PTPRZ1: variants seen among roughly 807,000 people sequenced by gnomAD.
PTPRZ1 encodes the protein protein tyrosine phosphatase receptor type Z1.
Under a neutral mutation model 214.1 loss-of-function variants are expected in PTPRZ1, and 82 were observed. The ratio of observed to expected loss-of-function variants is 0.38; its 90% CI spans 0.32 to 0.46. The LOEUF is 0.46. Ranked by LOEUF, PTPRZ1 falls within the 20% of genes least tolerant of loss-of-function variation. The pLI, the probability that PTPRZ1 is intolerant of heterozygous loss-of-function variation, is 1.00. For synonymous variants in PTPRZ1, 945 were observed against 987.9 expected (o/e 0.96, Z 0.81); for missense variants, 2,603 against 2,748.7 (o/e 0.95, Z 1.19).
intron 8 of PTPRZ1, among the ~76,000 whole-genome samples, chr7:121,987,859 T>G (rs547224076): frequency 1.3e-5 from 2 of 152,136 alleles, no homozygotes; most frequent in African/African-American, 2.4e-5. Flanking sequence ...TGAAATCATG[T>G]TTTTTTGCAG....
rs977766359 is a variant in PTPRZ1 at position 122,011,016 on chromosome 7, C to G, written c.1970C>G (p.Ser657Cys). ...SMEGNVWFPS[S>C]TDITAQPDVG... is the part of the protein sequence containing the mutation. ...GAGGGAAATGTGTGGTTTCCTAGCT[C>G]TACAGACATAACAGCACAGCCCGAT... The change falls in exon 12 of 30, where the codon TCT (serine) becomes TGT (cysteine). Residue 657 changes from serine (S) to cysteine (C), a missense_variant. Physicochemically the swap from Ser to Cys is moderately radical, Grantham distance 112 (BLOSUM62 -1). Around this residue, in one of 6 missense-constraint regions of PTPRZ1, gnomAD observed 1,913 missense variants for 1,914.3 expected, o/e 1.00. Transcript: ENST00000393386. 1 of 1,613,974 alleles carries G rather than the reference C, an allele frequency of 6.2e-7. No individual in the cohort carries two copies. Among genetic ancestry groups the G allele is most frequent in the African/African-American group, 1.3e-5 (1 of 74,896 alleles).
At chr7:121,889,019 T>G (rs1794495054) in intron 1 of PTPRZ1, among the ~76,000 whole-genome samples, 1 of 152,132 alleles carries the variant, frequency 6.6e-6, no homozygotes, top group Non-Finnish European at 1.5e-5. Context: ...TGAATTAAAT[T>G]ATTGAAGTTT....
At chr7:121,940,795 A>G (rs569284763) in intron 2 of PTPRZ1, among the ~76,000 whole-genome samples, 1 of 150,260 alleles carries the variant, frequency 6.7e-6, no homozygotes, top group South Asian at 2.1e-4. Flanking sequence ...TCTCCCCATC[A>G]CCTGCCAAAT....
intron 4 of PTPRZ1, among the ~76,000 whole-genome samples, chr7:121,975,632 AC>A (rs1160606282): frequency 1.3e-5 from 2 of 152,334 alleles, no homozygotes; most frequent in East Asian, 3.9e-4. Flanking sequence ...CAGGAGAAGC[AC>A]CAAATTATAT....
chr7:122,006,731 A>AT (rs542827952), intron 11 of PTPRZ1, among the ~76,000 whole-genome samples: 5 of 152,008 alleles, frequency 3.3e-5, no homozygotes, highest in Admixed American at 1.3e-4. Flanking sequence ...GGAAAAAAAA[A>AT]GCCTCAGTGC....
Position 122,044,375 on chromosome 7 carries a change from A to T in PTPRZ1, c.5938-47A>T, listed in dbSNP as rs191084229. On this transcript the variant is annotated intron_variant, in intron 22 of 29. Coordinates refer to ENST00000393386, the MANE Select transcript of PTPRZ1 (RefSeq NM_002851.3). ...GTACTATGTTTGTAGGTAGATACAT[A>T]TGAGGAAAACTTGAACTAATGTTGC... The T allele has an allele frequency of 2.9e-5, 46 of 1,608,176 alleles. No individual in the cohort carries two copies. The Admixed American group carries it at 6.7e-4, about 23-fold the overall frequency.
At position 122,036,605 on chromosome 7, in the gene PTPRZ1, C is replaced by T; in HGVS notation, c.5290C>T (p.His1764Tyr). Residue 1764 changes from histidine to tyrosine, a missense_variant, in exon 18 of 30, where the codon CAT (histidine) becomes TAT (tyrosine). Coordinates refer to ENST00000393386, the MANE Select transcript of PTPRZ1 (RefSeq NM_002851.3). ...ATATTCTCTTTATATTACAGATGAT[C>T]ATAGCAGGGTTAAGCTAGCACAGCT... ...NRYINIVAYD[H>Y]SRVKLAQLAE... 1.3e-6 allele frequency: 2 copies of T among 1,593,526 alleles called. No homozygotes were observed.
At chr7:121,893,256 C>A (rs1424161029) in intron 1 of PTPRZ1, among the ~76,000 whole-genome samples, 2 of 152,100 alleles carry the variant, frequency 1.3e-5, no homozygotes, top group Non-Finnish European at 2.9e-5. Context: ...CCCAAAAAAA[C>A]CCCAAATGGC....
At chr7:121,897,596 A>G (rs563252138) in intron 1 of PTPRZ1, among the ~76,000 whole-genome samples, 1 of 152,264 alleles carries the variant, frequency 6.6e-6, no homozygotes, top group East Asian at 1.9e-4. Context: ...CTTAATATAC[A>G]TATTTCACCA....
intron 15 of PTPRZ1, chr7:122,032,143 A>G (rs1366352318): frequency 6.6e-6 from 1 of 152,306 alleles, no homozygotes; most frequent in East Asian, 1.9e-4. Context: ...CAAATTTATC[A>G]TGGCCCACTG....
intron 1 of PTPRZ1, among the ~76,000 whole-genome samples, chr7:121,894,667 A>C (rs1014770500): frequency 6.6e-6 from 1 of 152,204 alleles, no homozygotes; most frequent in Non-Finnish European, 1.5e-5. Flanking sequence ...GGGCCTCCCA[A>C]AATGTTGGCA....
chr7:122,039,059 G>A (rs1799635149), intron 19 of PTPRZ1, among the ~76,000 whole-genome samples, 170 bp downstream of exon 19: 1 of 152,178 alleles, frequency 6.6e-6, no homozygotes, highest in Admixed American at 6.5e-5. Flanking sequence ...TAGTCAAAAA[G>A]TTTCATTATG....
At chr7:121,911,375 C>T (rs1195670034) in intron 1 of PTPRZ1, among the ~76,000 whole-genome samples, 2 of 152,054 alleles carry the variant, frequency 1.3e-5, no homozygotes, top group East Asian at 3.9e-4. Context: ...TTTGAAAATA[C>T]TGATGACAGA....
Position 122,053,931 on chromosome 7 carries a change from T to A in PTPRZ1, c.6274T>A (p.Phe2092Ile). The A allele has an allele frequency of 6.2e-7, 1 of 1,613,094 alleles. No individual in the cohort carries two copies. The highest frequency in any genetic ancestry group is 1.1e-5 in the South Asian group (1 of 91,052). Residue 2092 changes from phenylalanine (F) to isoleucine (I), a missense_variant, in exon 26 of 30, where the codon TTC becomes ATC. Coordinates refer to ENST00000393386, the MANE Select transcript of PTPRZ1 (RefSeq NM_002851.3). ...YIMGYYQSNEFIITQHPLLHT... is the reference protein window; with the variant it reads ...YIMGYYQSNEIIITQHPLLHT... ...GTAGGGCTATTACCAGAGCAATGAA[T>A]TCATCATTACCCAGCACCCTCTCCT...
chr7:122,058,740 A>G (rs747994618), intron 27 of PTPRZ1, 60 bp from the exon 28 acceptor site: 4 of 1,454,460 alleles, frequency 2.8e-6, no homozygotes, highest in South Asian at 1.3e-5. Flanking sequence ...ATTTTCCTCA[A>G]TGATTCCACT....
At chr7:121,943,027 AT>A (rs1385839307) in intron 2 of PTPRZ1, among the ~76,000 whole-genome samples, 1 of 152,210 alleles carries the variant, frequency 6.6e-6, no homozygotes, top group African/African-American at 2.4e-5. Context: ...ATACTGAACA[AT>A]TATTTATTAT....
At chr7:121,961,458 A>G (rs1796874458) in intron 2 of PTPRZ1, among the ~76,000 whole-genome samples, 1 of 152,192 alleles carries the variant, frequency 6.6e-6, no homozygotes, top group African/African-American at 2.4e-5. Flanking sequence ...CAAGGCCTGC[A>G]TTAGTGTGTC....
At chr7:122,033,603 G>A (rs533769257) in intron 15 of PTPRZ1, among the ~76,000 whole-genome samples, 1 of 151,950 alleles carries the variant, frequency 6.6e-6, no homozygotes, top group African/African-American at 2.4e-5. Context: ...AAAATTTTTA[G>A]GAAATGATTA....
chr7:122,044,354 T>A, intron 22 of PTPRZ1, 68 bp from the exon 23 acceptor site: 1 of 1,565,452 alleles, frequency 6.4e-7, no homozygotes. Context: ...TGGAAGGTAC[T>A]ATGTTTGTAG....
Sources: allele counts gnomAD v4.1 joint callset (sites outside exome capture counted in the v4.1 genomes callset), GRCh38; gene constraint gnomAD v4.1.1; regional missense constraint gnomAD v4.1.1; transcripts MANE v1.5; gene names NCBI Gene and HGNC (gene_info 2026-07-23, HGNC 2026-07-21).